The following SORCS1 variants were observed in gnomAD, a reference collection of about 807,000 sequenced individuals.
SORCS1 encodes the protein VPS10 domain-containing receptor SorCS1.
In SORCS1, 60 loss-of-function variants were observed where a neutral mutation model predicts 146.1. The ratio of observed to expected loss-of-function variants is 0.41; its 90% CI spans 0.33 to 0.51. The LOEUF (loss-of-function observed/expected upper bound fraction) is 0.51, where lower values mean the gene tolerates loss of function less well. Among genes scored for constraint, SORCS1 ranks in the 20% least tolerant of loss-of-function variants. The pLI is 0.21. For missense variants in SORCS1, 1,352 were observed against 1,487.6 expected, an observed-to-expected ratio of 0.91 and a Z score of 1.50; for synonymous variants, 637 against 584.0, an observed-to-expected ratio of 1.09 and a Z score of -1.31.
At chr10:106,727,784 G>C (rs1031438958) in intron 6 of SORCS1, among the ~76,000 whole-genome samples, 2 of 152,108 alleles carry the variant, frequency 1.3e-5, no homozygotes, top group Non-Finnish European at 2.9e-5. Context: ...AATTATGCTC[G>C]ATTGGTCAGG....
chr10:106,849,704 C>A (rs1949464389), intron 2 of SORCS1, among the ~76,000 whole-genome samples: 1 of 151,088 alleles, frequency 6.6e-6, no homozygotes, highest in African/African-American at 2.4e-5. Context: ...GTTTTTTCCC[C>A]ATCTTTGTGG....
At chr10:106,756,139 AT>A (rs1446309238) in intron 5 of SORCS1, among the ~76,000 whole-genome samples, 61 of 151,554 alleles carry the variant, frequency 4.0e-4, no homozygotes, top group African/African-American at 1.4e-3. Context: ...AAAAAAAAAA[AT>A]AAATAAAATA....
chr10:106,607,086 G>T, intron 23 of SORCS1, 80 bp downstream of exon 23: 1 of 1,555,838 alleles, frequency 6.4e-7, no homozygotes, highest in Non-Finnish European at 8.7e-7. Flanking sequence ...CCAGTTTATG[G>T]GTCAGAAATG....
At chr10:107,114,629 C>T (rs181121375) in intron 1 of SORCS1, among the ~76,000 whole-genome samples, 139 of 152,212 alleles carry the variant, frequency 9.1e-4, no homozygotes, top group Non-Finnish European at 1.1e-3. Flanking sequence ...CCATACATGA[C>T]AGGCTTATGG....
chr10:106,583,059 C>A (rs1439763883), intron 24 of SORCS1, among the ~76,000 whole-genome samples: 4 of 152,154 alleles, frequency 2.6e-5, no homozygotes, highest in Admixed American at 6.5e-5. Flanking sequence ...TAAATTAAAT[C>A]TCAGTTTCCT....
At chr10:106,739,083 TAA>T (rs1466441402) in intron 5 of SORCS1, among the ~76,000 whole-genome samples, 1 of 152,082 alleles carries the variant, frequency 6.6e-6, no homozygotes, top group African/African-American at 2.4e-5. Flanking sequence ...TTAAAAGTAA[TAA>T]GAGACCAAGC....
rs540634166 is a variant in SORCS1 at position 106,610,751 on chromosome 10, T to C, written c.3033+1160A>G. Among the ~76,000 whole-genome samples the C allele has an allele frequency of 5.3e-4, 80 of 152,310 alleles. No individual in the cohort carries two copies. In the South Asian group the frequency reaches 6.0e-3, roughly 11 times the overall value. ...TGCACAATAAGCTCAAGCTGCCCCA[T>C]GAGCGGCTATCCCACTCCTCTGCTC... On this transcript the variant is annotated intron_variant, in intron 22 of 25. Transcript: ENST00000263054.
At chr10:106,606,278 CA>C (rs1846577653) in intron 23 of SORCS1, among the ~76,000 whole-genome samples, 1 of 13,194 alleles carries the variant, frequency 7.6e-5, no homozygotes, top group South Asian at 5.8e-3. Flanking sequence ...CAGATATACA[CA>C]CACACACACA....
intron 2 of SORCS1, among the ~76,000 whole-genome samples, chr10:106,925,651 C>T (rs1952977544): frequency 6.6e-6 from 1 of 152,198 alleles, no homozygotes. Context: ...CAAGCTTTCA[C>T]TTTTATATCT....
At chr10:106,623,481 T>C (rs1043372291) in intron 19 of SORCS1, among the ~76,000 whole-genome samples, 33 of 151,232 alleles carry the variant, frequency 2.2e-4, no homozygotes, top group Non-Finnish European at 4.3e-4. Flanking sequence ...CCTGACCTTG[T>C]GATCCGCCCG....
At chr10:106,727,453 A>G (rs1490648821) in intron 6 of SORCS1, among the ~76,000 whole-genome samples, 3 of 152,198 alleles carry the variant, frequency 2.0e-5, no homozygotes, top group African/African-American at 7.2e-5. Context: ...TCCTGGGCTC[A>G]AATGATCCCC....
chr10:106,793,014 C>T (rs10884360), intron 3 of SORCS1, among the ~76,000 whole-genome samples: 37,490 of 151,894 alleles, frequency 0.25, 4,907 homozygotes, highest in Non-Finnish European at 0.29. Context: ...GAAGTTTCTG[C>T]AACCAAGTGA....
chr10:106,860,094 G>A (rs1285298580), intron 2 of SORCS1, among the ~76,000 whole-genome samples: 1 of 152,132 alleles, frequency 6.6e-6, no homozygotes, highest in African/African-American at 2.4e-5. Flanking sequence ...TGTTGGGTAG[G>A]AATAATTATG....
At chr10:107,107,005 T>C (rs1003536741) in intron 1 of SORCS1, among the ~76,000 whole-genome samples, 5 of 152,196 alleles carry the variant, frequency 3.3e-5, no homozygotes, top group African/African-American at 1.2e-4. Context: ...AATAATTTTT[T>C]GTTGTTTAAA....
chr10:106,796,500 C>A (rs1946560758), intron 3 of SORCS1, among the ~76,000 whole-genome samples: 1 of 152,144 alleles, frequency 6.6e-6, no homozygotes, highest in Admixed American at 6.5e-5. Context: ...CCCGGCAAGA[C>A]TCAATTGCCA....
At chr10:106,729,329 A>G (rs898405445) in intron 6 of SORCS1, among the ~76,000 whole-genome samples, 2 of 152,172 alleles carry the variant, frequency 1.3e-5, no homozygotes, top group Non-Finnish European at 1.5e-5. Flanking sequence ...CCTGTCCTTC[A>G]CTGCAGCATA....
In SORCS1 at chr10:106,679,727, C is replaced by A; in HGVS notation, c.1568G>T (p.Cys523Phe). ...GACCTTCAGGTGAAGGTGTAGTGAG[C>A]AATAGGGCTGAAAAGAGAAATAATA... ...GDPVHCLLPY[C>F]SLHLHLKVSE... Residue 523 changes from cysteine (C) to phenylalanine (F), a missense_variant, in exon 11 of 26, where the codon TGC becomes TTC. Transcript: ENST00000263054. 6.2e-7 allele frequency: 1 copy of A among 1,608,592 alleles called. No homozygotes were observed. The highest frequency in any genetic ancestry group is 8.5e-7 in the Non-Finnish European group (1 of 1,176,810).
chr10:106,587,251 A>C (rs1845298444), intron 24 of SORCS1, among the ~76,000 whole-genome samples: 1 of 152,242 alleles, frequency 6.6e-6, no homozygotes, highest in African/African-American at 2.4e-5. Context: ...ATTACTATGT[A>C]GATAATACGG....
intron 1 of SORCS1, among the ~76,000 whole-genome samples, chr10:107,117,750 G>A (rs961352355): frequency 4.6e-5 from 7 of 152,132 alleles, no homozygotes; most frequent in Non-Finnish European, 1.0e-4. Flanking sequence ...AAATGAAAAT[G>A]TCTAGCCTAT....
Sources: allele counts gnomAD v4.1 joint callset (sites outside exome capture counted in the v4.1 genomes callset), GRCh38; gene constraint gnomAD v4.1.1; transcripts MANE v1.5; gene names NCBI Gene and HGNC (gene_info 2026-07-23, HGNC 2026-07-21).